The following KIF20A variants were observed in gnomAD, a reference collection of about 807,000 sequenced individuals.
KIF20A encodes kinesin-like protein KIF20A.
A neutral mutation model predicts 113.0 loss-of-function variants in KIF20A; 66 were observed. That is an observed-to-expected ratio of 0.58 (90% confidence interval 0.48 to 0.72). The LOEUF is 0.72. KIF20A is among the 30% of genes least tolerant of loss of function. KIF20A has a pLI of 0.00. For missense variants in KIF20A, 927 were observed against 1,077.6 expected, an observed-to-expected ratio of 0.86 and a Z score of 1.96; for synonymous variants, 376 against 402.3, an observed-to-expected ratio of 0.93 and a Z score of 0.78.
intron 2 of KIF20A, 132 bp downstream of exon 2, chr5:138,179,977 G>A: frequency 1.1e-6 from 1 of 898,406 alleles, no homozygotes; most frequent in South Asian, 2.6e-5. Flanking sequence ...AGGGCATTTA[G>A]GACAAAATGG....
At chr5:138,186,182 C>A in intron 17 of KIF20A, 112 bp from the exon 18 acceptor site, 1 of 1,488,754 alleles carries the variant, frequency 6.7e-7, no homozygotes, top group South Asian at 1.2e-5. Context: ...CTATTTCACT[C>A]AGCTGACTAG....
At chr5:138,179,990 A>G in intron 2 of KIF20A, 145 bp downstream of exon 2, 1 of 830,824 alleles carries the variant, frequency 1.2e-6, no homozygotes, top group Non-Finnish European at 1.7e-6. Flanking sequence ...CAAAATGGCT[A>G]TGAAAAGAAA....
At position 138,183,557 on chromosome 5, in the gene KIF20A, A is replaced by G. The variant is rs747860008; in HGVS notation, c.1115A>G (p.His372Arg). Residue 372 changes from histidine to arginine, a missense_variant, in exon 9 of 19, where the codon CAC (histidine) becomes CGC (arginine). By Grantham distance (29) the His-to-Arg change is conservative. Transcript: ENST00000394894. This position sits in a 1 kb window ranked among gnomAD's most constrained non-coding sequence, Gnocchi z 5.2. ...AAGAACCAGAGCTTTGCCAGCACCC[A>G]CCTCAACCAGAACTCCAGCCGCAGG... ...GRKNQSFAST[H>R]LNQNSSRSHS... is the part of the protein sequence containing the mutation. The G allele has an allele frequency of 5.0e-6, 8 of 1,614,080 alleles. No homozygotes were observed. In the Admixed American group the frequency reaches 1.2e-4, roughly 24 times the overall value.
Position 138,182,415 on chromosome 5 carries a change from C to G in KIF20A, c.468C>G (p.Ile156Met). ...KDVLKGQNWL[I>M]YTYGVTNSGK... The stretch of plus-strand genomic sequence containing the variant: ...TACTCAAAGGGCAGAACTGGCTCAT[C>G]TATACATATGGAGTCACTAACTCAG... Residue 156 changes from isoleucine to methionine, a missense_variant, in exon 5 of 19, where the codon ATC (isoleucine) becomes ATG (methionine). Ile to Met is a conservative substitution (Grantham distance 10). Transcript: ENST00000394894. 6.2e-7 allele frequency: 1 copy of G among 1,614,178 alleles called. No individual in the cohort carries two copies. Among genetic ancestry groups the G allele is most frequent in the Non-Finnish European group, 8.5e-7 (1 of 1,180,026 alleles).
chr5:138,186,677 C>A (rs1042097890), intron 18 of KIF20A, among the ~76,000 whole-genome samples: 3 of 152,204 alleles, frequency 2.0e-5, no homozygotes, highest in Non-Finnish European at 1.5e-5. Flanking sequence ...TGTCATATTT[C>A]ATCTAAGATG....
chr5:138,186,770 C>T (rs1561631146), intron 18 of KIF20A, among the ~76,000 whole-genome samples: 1 of 152,076 alleles, frequency 6.6e-6, no homozygotes. Flanking sequence ...ATCCTGATTC[C>T]AAAGAGATTA....
chr5:138,181,827 T>C (rs1245983604), intron 4 of KIF20A, 99 bp downstream of exon 4: 7 of 1,404,056 alleles, frequency 5.0e-6, no homozygotes, highest in Non-Finnish European at 6.9e-6. Flanking sequence ...GTGAGTTCCT[T>C]GTATATGCAC....
chr5:138,184,296 T>C lies in KIF20A; in HGVS notation c.1410T>C (p.Gly470=). Residue 470 remains glycine, a synonymous_variant, in exon 12 of 19, where the codon GGT becomes GGC. Transcript: ENST00000394894. ...RDSKLTRVFQ[G]FFTGRGRSCM... is the part of the protein sequence containing the mutation. ...GCAAGTTGACTCGAGTGTTCCAAGG[T>C]TTCTTCACAGGCCGAGGCCGTTCCT... 6.2e-7 allele frequency: 1 copy of C among 1,614,050 alleles called. No homozygotes were observed. The highest frequency in any genetic ancestry group is 8.5e-7 in the Non-Finnish European group (1 of 1,179,986).
chr5:138,186,554 A>G, intron 18 of KIF20A, 123 bp downstream of exon 18: 1 of 1,049,766 alleles, frequency 9.5e-7, no homozygotes, highest in Non-Finnish European at 1.3e-6. Context: ...TGAGAGCAGT[A>G]TATTTGCAAA....
At chr5:138,185,433 T>C (rs1193107952) in intron 15 of KIF20A, 79 bp from the exon 16 acceptor site, 13 of 1,358,678 alleles carry the variant, frequency 9.6e-6, no homozygotes, top group Non-Finnish European at 1.3e-5. Flanking sequence ...GTGTCACAAG[T>C]GCTTTGTTTG....
intron 18 of KIF20A, 152 bp downstream of exon 18, chr5:138,186,583 TGTTAAGC>T: frequency 2.2e-6 from 2 of 901,448 alleles, no homozygotes; most frequent in South Asian, 3.8e-5. Flanking sequence ...AACTATTCTT[TGTTAAGC>T]ATTTACTAAG....
chr5:138,185,925 C>G (rs1385141889), intron 16 of KIF20A, 36 bp from the exon 17 acceptor site: 1 of 1,586,682 alleles, frequency 6.3e-7, no homozygotes. Flanking sequence ...CTAAAAAAAC[C>G]CCACATATTT....
rs777509507 is a variant in KIF20A at position 138,186,057 on chromosome 5, T to C, written c.2217+5T>C. On this transcript the variant is annotated splice_donor_5th_base_variant and intron_variant, in intron 17 of 18. Coordinates refer to ENST00000394894, the MANE Select transcript of KIF20A (RefSeq NM_005733.3). ...AAGTTAGAAGAGGGCCAGAAGGTAA[T>C]TACCACCATTCTCTGTTTACCAAAC... 1.2e-6 allele frequency: 2 copies of C among 1,611,860 alleles called. No homozygotes were observed. Among genetic ancestry groups the C allele is most frequent in the Non-Finnish European group, 1.7e-6 (2 of 1,178,160 alleles).
chr5:138,183,876 G>A lies in KIF20A; in HGVS notation c.1209-86G>A. On this transcript the variant is annotated intron_variant, in intron 10 of 18. Transcript: ENST00000394894. This position sits in a 1 kb window ranked among gnomAD's most constrained non-coding sequence, Gnocchi z 5.2. ...TCTTTGGGTACAGAGATTCTTAGTGGGCCGTCCCCTCTCCAGAATTATACA... is the reference window on the plus strand; with the variant it reads ...TCTTTGGGTACAGAGATTCTTAGTGAGCCGTCCCCTCTCCAGAATTATACA... 1 of 1,589,934 alleles carries A rather than the reference G, an allele frequency of 6.3e-7. No individual in the cohort carries two copies. The highest frequency in any genetic ancestry group is 8.6e-7 in the Non-Finnish European group (1 of 1,161,498).
At position 138,187,625 on chromosome 5, in the gene KIF20A, C is replaced by T. The variant is rs951874795; in HGVS notation, c.*212C>T. The T allele has an allele frequency of 2.3e-5, 10 of 432,128 alleles. No individual in the cohort carries two copies. Among genetic ancestry groups the T allele is most frequent in the Non-Finnish European group, 3.7e-5 (9 of 243,492 alleles). The allele number at this position is 432,128 out of a possible 1,614,324, so 26.8% of individuals were successfully genotyped here. Reference sequence around the variant, plus strand: ...TATTTACTTATATGATTTCTATGCACACAAAAACAGTTATATTAAAGATAT... The same window carrying T: ...TATTTACTTATATGATTTCTATGCATACAAAAACAGTTATATTAAAGATAT... On this transcript the variant is annotated 3_prime_UTR_variant, in exon 19 of 19. Transcript: ENST00000394894.
chr5:138,181,196 T>G (rs1211827915), intron 2 of KIF20A, among the ~76,000 whole-genome samples: 1 of 152,232 alleles, frequency 6.6e-6, no homozygotes, highest in Non-Finnish European at 1.5e-5. Context: ...ATCATCGGTG[T>G]GGCAAGCCAC....
Position 138,182,956 on chromosome 5 carries a change from T to C in KIF20A, c.798T>C (p.Ser266=). 1 of 1,614,188 alleles carries C rather than the reference T, an allele frequency of 6.2e-7. No individual in the cohort carries two copies. Among genetic ancestry groups the C allele is most frequent in the Non-Finnish European group, 8.5e-7 (1 of 1,180,018 alleles). ...SFDSGIAGLS[S]ISQCTSSSQL... ...ACAGTGGCATTGCTGGGCTCTCTTC[T>C]ATCAGTCAGTGTACCAGCAGTAGCC... Residue 266 remains serine (S), a synonymous_variant, in exon 7 of 19, where the codon TCT becomes TCC. Coordinates refer to ENST00000394894, the MANE Select transcript of KIF20A (RefSeq NM_005733.3).
In KIF20A at chr5:138,185,067, C is replaced by T. The variant is rs371319350; in HGVS notation, c.1824-28C>T. The stretch of plus-strand genomic sequence containing the variant: ...GTTCACTCCTCAGAACCTTCACTTA[C>T]CTCTCTTTTCTCCTCTGTTTCTGAC... On this transcript the variant is annotated intron_variant, in intron 14 of 18. Coordinates refer to ENST00000394894, the MANE Select transcript of KIF20A (RefSeq NM_005733.3). 1.3e-4 allele frequency: 215 copies of T among 1,598,962 alleles called. No homozygotes were observed. In the African/African-American group the frequency reaches 2.6e-3, roughly 19 times the overall value.
At position 138,187,166 on chromosome 5, in the gene KIF20A, G is replaced by T. The variant is rs773108393; in HGVS notation, c.2426G>T (p.Cys809Phe). 1 of 1,614,106 alleles carries T rather than the reference G, an allele frequency of 6.2e-7. No homozygotes were observed. Among genetic ancestry groups the T allele is most frequent in the Non-Finnish European group, 8.5e-7 (1 of 1,179,960 alleles). ...VKLDLRKKAA[C>F]IAEQYHTVLK... ...CTGGACCTTCGGAAGAAGGCAGCATGTATTGCTGAGCAGTATCATACTGTG... is the reference window on the plus strand; with the variant it reads ...CTGGACCTTCGGAAGAAGGCAGCATTTATTGCTGAGCAGTATCATACTGTG... The change falls in exon 19 of 19, where the codon TGT (cysteine) becomes TTT (phenylalanine). Residue 809 changes from cysteine to phenylalanine, a missense_variant. Cys to Phe is a radical substitution (Grantham distance 205, BLOSUM62 -2). Coordinates refer to ENST00000394894, the MANE Select transcript of KIF20A (RefSeq NM_005733.3).
Sources: allele counts gnomAD v4.1 joint callset (sites outside exome capture counted in the v4.1 genomes callset), GRCh38; gene constraint gnomAD v4.1.1; non-coding constraint Gnocchi (gnomAD v3.1); transcripts MANE v1.5; gene names NCBI Gene and HGNC (gene_info 2026-07-23, HGNC 2026-07-21).